The following IPO11 variants were observed in gnomAD, a reference collection of about 807,000 sequenced individuals.
IPO11 encodes importin-11.
A neutral mutation model predicts 143.2 loss-of-function variants in IPO11; 66 were observed. That is an observed-to-expected ratio of 0.46 (90% CI 0.38 to 0.57). The LOEUF (loss-of-function observed/expected upper bound fraction) is 0.57, where lower values mean the gene tolerates loss of function less well. Ranked by LOEUF, IPO11 falls within the 20% of genes least tolerant of loss-of-function variation. The pLI is 0.00. For missense variants in IPO11, 1,026 were observed against 1,141.0 expected, an observed-to-expected ratio of 0.90 and a Z score of 1.45; for synonymous variants, 385 against 377.8, an observed-to-expected ratio of 1.02 and a Z score of -0.22.
At chr5:62,426,594 T>C (rs1000557238) in intron 1 of IPO11, among the ~76,000 whole-genome samples, 31 of 152,062 alleles carry the variant, frequency 2.0e-4, no homozygotes, top group African/African-American at 7.2e-4. Context: ...ATAAAGCAAA[T>C]ATCTAATTCC....
intron 1 of IPO11, among the ~76,000 whole-genome samples, chr5:62,435,314 A>G (rs1409501434): frequency 6.6e-6 from 1 of 150,504 alleles, no homozygotes; most frequent in Non-Finnish European, 1.5e-5. Flanking sequence ...GAAAATGTAA[A>G]ATTAGGCCAG....
At chr5:62,527,049 G>A (rs573684495) in intron 21 of IPO11, among the ~76,000 whole-genome samples, 1 of 152,018 alleles carries the variant, frequency 6.6e-6, no homozygotes, top group Non-Finnish European at 1.5e-5. Context: ...AATTACTTTG[G>A]TGCAAATTAT....
At chr5:62,517,730 G>C (rs1742074974) in intron 20 of IPO11, among the ~76,000 whole-genome samples, 1 of 152,152 alleles carries the variant, frequency 6.6e-6, no homozygotes. Context: ...AGCTCAACTT[G>C]GGAGTTTTGT....
At chr5:62,551,814 T>C (rs886488000) in intron 26 of IPO11, among the ~76,000 whole-genome samples, 9 of 152,148 alleles carry the variant, frequency 5.9e-5, no homozygotes, top group Admixed American at 1.3e-4. Flanking sequence ...TGGAATAGGT[T>C]TTTTAGTGAG....
At position 62,603,074 on chromosome 5, in the gene IPO11, A is replaced by G. The variant is rs186261695; in HGVS notation, c.2763+1226A>G. 7.6e-3 allele frequency among the ~76,000 whole-genome samples: 1,157 copies of G among 152,346 alleles called. 7 individuals carry two copies. Among genetic ancestry groups the G allele is most frequent in the Non-Finnish European group, 0.013 (884 of 68,032 alleles). ...TCTTGGAAACTGTAACTTGAAGCAG[A>G]AAAACATATAATGAACCTAGTTGTA... On this transcript the variant is annotated intron_variant, in intron 29 of 29. Coordinates refer to ENST00000325324, the MANE Select transcript of IPO11 (RefSeq NM_016338.5).
chr5:62,462,266 CTT>C (rs1451597634), intron 5 of IPO11, among the ~76,000 whole-genome samples: 1 of 151,538 alleles, frequency 6.6e-6, no homozygotes, highest in African/African-American at 2.4e-5. Context: ...TTTTTAATGA[CTT>C]TGAGTCCACC....
At chr5:62,418,022 C>G (rs1234237403) in intron 1 of IPO11, among the ~76,000 whole-genome samples, 1 of 152,200 alleles carries the variant, frequency 6.6e-6, no homozygotes, top group Non-Finnish European at 1.5e-5. Context: ...GACAGAATTT[C>G]ACTCGTAGCC....
At position 62,491,666 on chromosome 5, in the gene IPO11, GTT is replaced by G. The variant is rs372842718; in HGVS notation, c.1463+1462_1463+1463del. Among the ~76,000 whole-genome samples the G allele has an allele frequency of 3.6e-3, 511 of 140,006 alleles. 4 individuals are homozygous for G. The highest frequency in any genetic ancestry group is 0.013 in the African/African-American group (489 of 38,340). The allele number at this position is 140,006 out of a possible 152,430, so 91.8% of individuals were successfully genotyped here. A position where few individuals can be genotyped will look rare whatever the true frequency, so the allele number is the denominator to read the frequency against. ...TTGGGATATGTAAAAATATTAATAA[GTT>G]TTTTTTTTTTTTTTTGAGATGGAGT... On this transcript the variant is annotated intron_variant, in intron 15 of 29. Transcript: ENST00000325324.
chr5:62,441,746 C>A (rs1744488676), intron 2 of IPO11, among the ~76,000 whole-genome samples: 1 of 150,450 alleles, frequency 6.6e-6, no homozygotes, highest in Non-Finnish European at 1.5e-5. Context: ...GAACTCCTGA[C>A]CTCATGGTGG....
intron 9 of IPO11, among the ~76,000 whole-genome samples, chr5:62,482,424 A>G (rs766355643): frequency 1.2e-4 from 19 of 152,130 alleles, no homozygotes; most frequent in Non-Finnish European, 2.9e-5. Flanking sequence ...GTGGACATTT[A>G]GTGCTATAAA....
At position 62,513,311 on chromosome 5, in the gene IPO11, G is replaced by A. The variant is rs527684670; in HGVS notation, c.1783-2077G>A. Among the ~76,000 whole-genome samples the A allele has an allele frequency of 1.2e-3, 81 of 69,628 alleles. 3 individuals are homozygous for A. In the South Asian group the frequency reaches 0.029, roughly 25 times the overall value. The allele number at this position is 69,628 out of a possible 152,430, so 45.7% of individuals were successfully genotyped here. On this transcript the variant is annotated intron_variant, in intron 19 of 29. Transcript: ENST00000325324. Reference sequence around the variant, plus strand: ...GACGGGGCGGCTGGCTGGGCGTGGGGCTGACCCCCCCACCTCCCTCCCAGA... The same window carrying A: ...GACGGGGCGGCTGGCTGGGCGTGGGACTGACCCCCCCACCTCCCTCCCAGA...
chr5:62,470,216 T>G (rs771977470), intron 6 of IPO11, 34 bp from the exon 7 acceptor site: 3 of 1,589,386 alleles, frequency 1.9e-6, no homozygotes, highest in Non-Finnish European at 2.6e-6. Flanking sequence ...TAGGATAAAA[T>G]AAGATTCAAG....
At chr5:62,615,124 G>A (rs1456692901) in intron 29 of IPO11, among the ~76,000 whole-genome samples, 1 of 152,116 alleles carries the variant, frequency 6.6e-6, no homozygotes, top group Non-Finnish European at 1.5e-5. Flanking sequence ...GGGTGTGGTG[G>A]GCCGTATGGA....
rs555544360 is a variant in IPO11 at position 62,456,294 on chromosome 5, T to C, written c.516+4361T>C. Among the ~76,000 whole-genome samples the C allele has an allele frequency of 4.6e-4, 70 of 152,242 alleles. 1 individual carries two copies. The highest frequency in any genetic ancestry group is 1.7e-3 in the African/African-American group (69 of 41,560). On this transcript the variant is annotated intron_variant, in intron 5 of 29. Transcript: ENST00000325324. ...CTGGGATCACAGGCGTGAGCCACCA[T>C]GCTCGGCCAGGAATTCATTTTCTGT... is the stretch of plus-strand genomic sequence containing the variant.
At chr5:62,577,052 A>G (rs1744339997) in intron 27 of IPO11, among the ~76,000 whole-genome samples, 1 of 152,242 alleles carries the variant, frequency 6.6e-6, no homozygotes. Flanking sequence ...CGTAGTGTTC[A>G]GTAATAGTTG....
intron 27 of IPO11, among the ~76,000 whole-genome samples, chr5:62,589,739 G>A (rs1332116953): frequency 3.3e-5 from 5 of 152,142 alleles, no homozygotes; most frequent in Non-Finnish European, 7.3e-5. Flanking sequence ...GAGAACAAGA[G>A]TGACCAGAAG....
chr5:62,572,579 T>TTATG, intron 27 of IPO11, among the ~76,000 whole-genome samples: 1 of 134,022 alleles, frequency 7.5e-6, no homozygotes, highest in Admixed American at 7.8e-5. Flanking sequence ...ATTTATTTAT[T>TTATG]TATTTATTTT....
At position 62,422,762 on chromosome 5, in the gene IPO11, T is replaced by A. The variant is rs544478248; in HGVS notation, c.-7+9833T>A. Reference sequence around the variant, plus strand: ...CAGGTCTTCCTCTCACAGGTCTGCCTCCCCTGTCTATTGTCTTCTTACATA... The same window carrying A: ...CAGGTCTTCCTCTCACAGGTCTGCCACCCCTGTCTATTGTCTTCTTACATA... On this transcript the variant is annotated intron_variant, in intron 1 of 29. Transcript: ENST00000325324. Among the ~76,000 whole-genome samples the A allele has an allele frequency of 7.4e-4, 113 of 152,316 alleles. 1 individual carries two copies. The highest frequency in any genetic ancestry group is 1.5e-3 in the Non-Finnish European group (104 of 68,030).
intron 7 of IPO11, 119 bp downstream of exon 7, chr5:62,470,427 G>A (rs961378856): frequency 1.2e-6 from 1 of 863,156 alleles, no homozygotes; most frequent in African/African-American, 1.7e-5. Context: ...TGACCATCTA[G>A]TTTTTTACCA....
Sources: allele counts gnomAD v4.1 joint callset (sites outside exome capture counted in the v4.1 genomes callset), GRCh38; gene constraint gnomAD v4.1.1; transcripts MANE v1.5; gene names NCBI Gene and HGNC (gene_info 2026-07-23, HGNC 2026-07-21).